Variants in AMBRA1 observed in about 807,000 individuals in gnomAD.
The protein encoded by AMBRA1 is autophagy and beclin 1 regulator 1, also known as activating molecule in BECN1-regulated autophagy protein 1.
In AMBRA1, 47 loss-of-function variants were observed where a neutral mutation model predicts 125.4. The observed-to-expected ratio is 0.37, with a 90% CI of 0.30 to 0.48. AMBRA1 has a LOEUF of 0.48. Among genes scored for constraint, AMBRA1 ranks in the 20% least tolerant of loss-of-function variants. AMBRA1 has a pLI of 0.99. For synonymous variants in AMBRA1, 626 were observed against 655.5 expected, an observed-to-expected ratio of 0.95 and a Z score of 0.69; for missense variants, 1,331 against 1,693.4, an observed-to-expected ratio of 0.79 and a Z score of 3.76.
chr11:46,468,669 G>A (rs938774023), intron 11 of AMBRA1, among the ~76,000 whole-genome samples: 21 of 151,780 alleles, frequency 1.4e-4, no homozygotes, highest in Middle Eastern at 3.4e-3. Flanking sequence ...AAAAATAGCC[G>A]GGTGTGGTGG....
intron 14 of AMBRA1, among the ~76,000 whole-genome samples, chr11:46,422,964 C>T (rs548296182): frequency 2.0e-5 from 3 of 152,128 alleles, no homozygotes; most frequent in South Asian, 4.1e-4. Flanking sequence ...AGCAAGGGGG[C>T]TTTGAGGAAG....
intron 14 of AMBRA1, among the ~76,000 whole-genome samples, chr11:46,430,685 A>G (rs1029616076): frequency 6.6e-6 from 1 of 152,190 alleles, no homozygotes; most frequent in Non-Finnish European, 1.5e-5. Flanking sequence ...AAATAAATCA[A>G]TGCTCTGGAG....
intron 1 of AMBRA1, among the ~76,000 whole-genome samples, chr11:46,552,849 T>C (rs1018227001): frequency 6.6e-6 from 1 of 152,120 alleles, no homozygotes; most frequent in Non-Finnish European, 1.5e-5. Context: ...AGTAGTGGCA[T>C]TATTGGTGAT....
chr11:46,418,844 A>T (rs1297145529), intron 14 of AMBRA1, among the ~76,000 whole-genome samples: 1 of 152,180 alleles, frequency 6.6e-6, no homozygotes, highest in African/African-American at 2.4e-5. Flanking sequence ...AACTCCCTGG[A>T]AAGCCCCATA....
At chr11:46,438,562 T>G (rs1212982671) in intron 12 of AMBRA1, among the ~76,000 whole-genome samples, 3 of 152,204 alleles carry the variant, frequency 2.0e-5, no homozygotes. Flanking sequence ...GGGGGTTAAA[T>G]CAGCAGAAAA....
chr11:46,570,193 C>G lies in AMBRA1; in HGVS notation c.-120-21693G>C, dbSNP rs147814350. Reference sequence around the variant, plus strand: ...AGAAGAATCGCTTGAACCTGGGAGCCAGAGGTTGCAGTGAGCAGAGATCGC... The same window carrying G: ...AGAAGAATCGCTTGAACCTGGGAGCGAGAGGTTGCAGTGAGCAGAGATCGC... On this transcript the variant is annotated intron_variant, in intron 1 of 17. Coordinates refer to ENST00000683756, the MANE Select transcript of AMBRA1 (RefSeq NM_001387011.1). 5.3e-3 allele frequency among the ~76,000 whole-genome samples: 743 copies of G among 141,080 alleles called. 2 individuals are homozygous for G. The highest frequency in any genetic ancestry group is 0.019 in the African/African-American group (713 of 37,470). The allele number at this position is 141,080 out of a possible 152,430, so 92.6% of individuals were successfully genotyped here.
intron 14 of AMBRA1, among the ~76,000 whole-genome samples, chr11:46,420,760 G>A (rs1946809614): frequency 6.6e-6 from 1 of 152,168 alleles, no homozygotes; most frequent in Non-Finnish European, 1.5e-5. Flanking sequence ...CATGAGGGGA[G>A]CACCTTGGTT....
intron 11 of AMBRA1, among the ~76,000 whole-genome samples, chr11:46,451,171 A>T (rs1020788341): frequency 6.6e-6 from 1 of 152,238 alleles, no homozygotes; most frequent in Non-Finnish European, 1.5e-5. Context: ...AGAAATAAAG[A>T]TTATTCTGAT....
rs1799586708 is a variant in AMBRA1 at position 46,542,773 on chromosome 11, G to A, written c.1244C>T (p.Thr415Ile). The change falls in exon 7 of 18, where the codon ACA (threonine) becomes ATA (isoleucine). Residue 415 changes from threonine (T) to isoleucine (I), a missense_variant. Around this residue, in one of 4 missense-constraint regions of AMBRA1, gnomAD observed 689 missense variants for 776.5 expected, o/e 0.89. Transcript: ENST00000683756. This position sits in a 1 kb window ranked among gnomAD's most constrained non-coding sequence, Gnocchi z 5.9. ...TACTGTCCGGGTCCACTCAGATCCTGTCAACCCAGGAGCTATTTCTCGGTG... is the reference window on the plus strand; with the variant it reads ...TACTGTCCGGGTCCACTCAGATCCTATCAACCCAGGAGCTATTTCTCGGTG... Reference protein sequence around the residue: ...RYHREIAPGLTGSEWTRTVLS... With the variant: ...RYHREIAPGLIGSEWTRTVLS... The A allele has an allele frequency of 6.2e-7, 1 of 1,613,904 alleles. No homozygotes were observed. Among genetic ancestry groups the A allele is most frequent in the African/African-American group, 1.3e-5 (1 of 74,864 alleles).
intron 14 of AMBRA1, among the ~76,000 whole-genome samples, chr11:46,429,987 T>C (rs1025961949): frequency 2.0e-5 from 3 of 151,374 alleles, no homozygotes; most frequent in African/African-American, 7.3e-5. Context: ...AAATGGACAG[T>C]GGGAAGGGAG....
chr11:46,455,799 T>A (rs1948823174), intron 11 of AMBRA1, among the ~76,000 whole-genome samples: 1 of 152,182 alleles, frequency 6.6e-6, no homozygotes, highest in African/African-American at 2.4e-5. Flanking sequence ...CCAAAGAAAG[T>A]AAGTAAGTTG....
intron 14 of AMBRA1, among the ~76,000 whole-genome samples, chr11:46,423,757 A>ATTTTT (rs538298573): frequency 1.5e-4 from 15 of 98,870 alleles, no homozygotes; most frequent in South Asian, 3.1e-4. Flanking sequence ...CAGTGCACCC[A>ATTTTT]TTTTTTTTTT....
At chr11:46,506,463 A>G (rs942429433) in intron 9 of AMBRA1, among the ~76,000 whole-genome samples, 14 of 152,218 alleles carry the variant, frequency 9.2e-5, no homozygotes, top group Admixed American at 8.5e-4. Context: ...TCACTTTCCT[A>G]GTCCTTTCTG....
intron 1 of AMBRA1, among the ~76,000 whole-genome samples, chr11:46,565,325 A>T (rs541183401): frequency 7.3e-5 from 11 of 151,494 alleles, no homozygotes; most frequent in South Asian, 2.1e-4. Context: ...CTTTTTTTTT[A>T]AATTAAAAAA....
rs146122101 is a variant in AMBRA1 at position 46,475,763 on chromosome 11, C to T, written c.2521+17845G>A. Reference sequence around the variant, plus strand: ...CACTTTGCTCTGGATACGAGAATCCCGTAATTTCTTGTCGCATACTTCTTT... The same window carrying T: ...CACTTTGCTCTGGATACGAGAATCCTGTAATTTCTTGTCGCATACTTCTTT... On this transcript the variant is annotated intron_variant, in intron 11 of 17. Coordinates refer to ENST00000683756, the MANE Select transcript of AMBRA1 (RefSeq NM_001387011.1). Among the ~76,000 whole-genome samples the T allele has an allele frequency of 7.2e-5, 11 of 152,280 alleles. No individual in the cohort carries two copies. The East Asian group carries it at 1.9e-3, about 27-fold the overall frequency.
chr11:46,436,346 G>A (rs1015834299), intron 12 of AMBRA1, among the ~76,000 whole-genome samples: 4 of 152,210 alleles, frequency 2.6e-5, no homozygotes, highest in Non-Finnish European at 5.9e-5. Flanking sequence ...TTGCTAATGA[G>A]ATGACAGTGT....
intron 11 of AMBRA1, among the ~76,000 whole-genome samples, chr11:46,456,000 A>T (rs1364603357): frequency 6.6e-6 from 1 of 152,156 alleles, no homozygotes; most frequent in Admixed American, 6.5e-5. Context: ...TTCAATACAT[A>T]TGTCCTAATG....
At chr11:46,400,016 G>A (rs1212595336) in intron 17 of AMBRA1, among the ~76,000 whole-genome samples, 1 of 152,186 alleles carries the variant, frequency 6.6e-6, no homozygotes, top group African/African-American at 2.4e-5. Context: ...CTAACGCACA[G>A]CCCAGGCACT....
intron 13 of AMBRA1, among the ~76,000 whole-genome samples, chr11:46,434,007 C>T (rs1309575193): frequency 2.0e-5 from 3 of 148,254 alleles, no homozygotes; most frequent in East Asian, 2.0e-4. Context: ...ACTAGCTACT[C>T]GGGAGGCTGA....
Sources: gnomAD v4.1 joint callset for allele counts (sites outside exome capture counted in the v4.1 genomes callset) on GRCh38, gnomAD v4.1.1 for gene constraint, gnomAD v4.1.1 regional missense constraint, Gnocchi (gnomAD v3.1) non-coding constraint, MANE v1.5 for transcripts, NCBI Gene and HGNC (gene_info 2026-07-23, HGNC 2026-07-21) for gene names.